The following MCOLN1 variants were observed in gnomAD, a reference collection of about 807,000 sequenced individuals.
MCOLN1 encodes the protein mucolipin TRP cation channel 1.
A neutral mutation model predicts 70.3 loss-of-function variants in MCOLN1; 50 were observed. The ratio of observed to expected loss-of-function variants is 0.71; its 90% CI spans 0.57 to 0.90. The LOEUF (loss-of-function observed/expected upper bound fraction) is 0.90. Ranked by LOEUF, MCOLN1 falls within the 40% of genes least tolerant of loss-of-function variation. The pLI is 0.00. For missense variants in MCOLN1, 598 were observed against 803.5 expected (o/e 0.74, Z 3.09); for synonymous variants, 366 against 341.0 (o/e 1.07, Z -0.81).
At position 7,527,302 on chromosome 19, in the gene MCOLN1, T is replaced by C. The variant is rs1283844974; in HGVS notation, c.572-218T>C. Reference sequence around the variant, plus strand: ...AAAAAAAAAAAAAAAAAAACAAGTATGCTTAGTGTGAGTGTGACTCTTGCC... The same window carrying C: ...AAAAAAAAAAAAAAAAAAACAAGTACGCTTAGTGTGAGTGTGACTCTTGCC... On this transcript the variant is annotated intron_variant, in intron 4 of 13. Coordinates refer to ENST00000264079, the MANE Select transcript of MCOLN1 (RefSeq NM_020533.3). 7.1e-6 allele frequency: 4 copies of C among 566,870 alleles called. No homozygotes were observed. In the East Asian group the frequency reaches 1.2e-4, roughly 17 times the overall value. The allele number at this position is 566,870 out of a possible 1,614,324, so 35.1% of individuals were successfully genotyped here.
chr19:7,526,020 C>T lies in MCOLN1; in HGVS notation c.238-419C>T, dbSNP rs769074082. ...GAGGTTGTAGTGAGCTGAGATCATA[C>T]CATGGCACTCCAACTTGGGCAACAG... On this transcript the variant is annotated intron_variant, in intron 2 of 13. Coordinates refer to ENST00000264079, the MANE Select transcript of MCOLN1 (RefSeq NM_020533.3). The surrounding 1 kb of genome is among the most constrained non-coding windows in gnomAD (Gnocchi z 4.6). The T allele has an allele frequency of 6.5e-6, 2 of 306,394 alleles. No individual in the cohort carries two copies. The highest frequency in any genetic ancestry group is 1.3e-5 in the Non-Finnish European group (2 of 156,954). 19.0% of individuals were successfully genotyped at this position (306,394 alleles called of 1,614,324 possible). A position where few individuals can be genotyped will look rare whatever the true frequency, so the allele number is the denominator to read the frequency against.
Position 7,527,890 on chromosome 19 carries a change from G to T in MCOLN1, c.707G>T (p.Arg236Leu). 1.2e-6 allele frequency: 2 copies of T among 1,614,096 alleles called. No homozygotes were observed. Among genetic ancestry groups the T allele is most frequent in the East Asian group, 2.2e-5 (1 of 44,872 alleles). Reference protein sequence around the residue: ...HKLVNVTIHFRLKTINLQSLI... With the variant: ...HKLVNVTIHFLLKTINLQSLI... ...CTGGTCAATGTCACCATCCACTTCC[G>T]GCTGAAGACCATTAACCTCCAGAGC... The change falls in exon 6 of 14, where the codon CGG (arginine) becomes CTG (leucine). Residue 236 changes from arginine to leucine, a missense_variant. Physicochemically the swap from Arg to Leu is moderately radical, Grantham distance 102. Transcript: ENST00000264079.
chr19:7,533,573 A>T lies in MCOLN1; in HGVS notation c.1626A>T (p.Ala542=). The change falls in exon 13 of 14, where the codon GCA becomes GCT. Residue 542 remains alanine (A), a synonymous_variant. Transcript: ENST00000264079. The stretch of plus-strand genomic sequence containing the variant: ...AGAGCGAGCTGCAGGCCTACATCGC[A>T]CAGTGCCAGGACAGCCCCACCTCCG... ...AEESELQAYI[A]QCQDSPTSGK... is the part of the protein sequence containing the mutation. 1 of 1,612,774 alleles carries T rather than the reference A, an allele frequency of 6.2e-7. No homozygotes were observed. The highest frequency in any genetic ancestry group is 2.2e-5 in the East Asian group (1 of 44,880).
At chr19:7,532,055 G>A (rs1309190846) in intron 12 of MCOLN1, among the ~76,000 whole-genome samples, 1 of 152,226 alleles carries the variant, frequency 6.6e-6, no homozygotes, top group Non-Finnish European at 1.5e-5. Flanking sequence ...CCTCAGTTTA[G>A]TAGGGTGGCT....
rs1176344656 is a variant in MCOLN1 at position 7,528,131 on chromosome 19, T to C, written c.778-27T>C. 2 of 1,612,206 alleles carry C rather than the reference T, an allele frequency of 1.2e-6. No homozygotes were observed. The highest frequency in any genetic ancestry group is 4.5e-5 in the East Asian group (2 of 44,858). ...CTTGGGGCTTGGGGCTGCCAAGGTTTACTCTGCCCCCAACTGGCCCCCACA... is the reference window on the plus strand; with the variant it reads ...CTTGGGGCTTGGGGCTGCCAAGGTTCACTCTGCCCCCAACTGGCCCCCACA... On this transcript the variant is annotated intron_variant, in intron 6 of 13. Transcript: ENST00000264079. The surrounding 1 kb of genome is among the most constrained non-coding windows in gnomAD (Gnocchi z 4.2).
rs1414728922 is a variant in MCOLN1, at chr19:7,524,700, C to G, written c.32-261C>G. On this transcript the variant is annotated intron_variant, in intron 1 of 13. Coordinates refer to ENST00000264079, the MANE Select transcript of MCOLN1 (RefSeq NM_020533.3). The surrounding 1 kb of genome is among the most constrained non-coding windows in gnomAD (Gnocchi z 4.1). Reference sequence around the variant, plus strand: ...TTTCGCAGATGAGGAAACTGAGGCTCAGAGAGCTGGTGAGCAGGAGGGGCA... The same window carrying G: ...TTTCGCAGATGAGGAAACTGAGGCTGAGAGAGCTGGTGAGCAGGAGGGGCA... Among the ~76,000 whole-genome samples, 1 of 152,218 alleles carries G rather than the reference C, an allele frequency of 6.6e-6. No homozygotes were observed. The highest frequency in any genetic ancestry group is 2.4e-5 in the African/African-American group (1 of 41,452).
intron 5 of MCOLN1, 55 bp downstream of exon 5, chr19:7,527,683 A>G: frequency 7.8e-7 from 1 of 1,277,510 alleles, no homozygotes; most frequent in Middle Eastern, 1.9e-4. Flanking sequence ...CACACTAGGC[A>G]CTCTCACCCC....
chr19:7,533,318 AG>A, intron 12 of MCOLN1: 2 of 642,998 alleles, frequency 3.1e-6, no homozygotes, highest in Non-Finnish European at 5.3e-6. Flanking sequence ...AGACTGGCAA[AG>A]ACACAGCTTG....
Position 7,525,490 on chromosome 19 carries a change from C to CAAAA in MCOLN1, c.237+332_237+335dup, listed in dbSNP as rs3029891. On this transcript the variant is annotated intron_variant, in intron 2 of 13. Coordinates refer to ENST00000264079, the MANE Select transcript of MCOLN1 (RefSeq NM_020533.3). The surrounding 1 kb of genome is among the most constrained non-coding windows in gnomAD (Gnocchi z 4.2). ...CCTGGGCAACAGAGCAAGACTGTCT[C>CAAAA]AAAAAAAAAAAGAAGCCGACTCTGA... is the stretch of plus-strand genomic sequence containing the variant. The CAAAA allele has an allele frequency of 2.3e-5, 6 of 260,198 alleles. No individual in the cohort carries two copies. The highest frequency in any genetic ancestry group is 7.1e-5 in the African/African-American group (3 of 42,310). The allele number at this position is 260,198 out of a possible 1,614,324, so 16.1% of individuals were successfully genotyped here.
chr19:7,531,737 G>A (rs1402154218), intron 12 of MCOLN1, among the ~76,000 whole-genome samples: 2 of 151,994 alleles, frequency 1.3e-5, no homozygotes, highest in East Asian at 1.9e-4. Context: ...GTGCAATCTC[G>A]GCTCACTGCA....
intron 10 of MCOLN1, 79 bp from the exon 11 acceptor site, chr19:7,529,511 T>TTTTGG: frequency 2.7e-6 from 1 of 370,414 alleles, no homozygotes. Context: ...GCCCCGCCCC[T>TTTTGG]CCCACCCCCA....
Position 7,533,831 on chromosome 19 carries a change from C to T in MCOLN1, c.*36C>T. ...CTGCCGTTGGACCGTAGGCCCTGGACTGCAGAGACCCCCGCCCCCGACCCC... is the reference window on the plus strand; with the variant it reads ...CTGCCGTTGGACCGTAGGCCCTGGATTGCAGAGACCCCCGCCCCCGACCCC... On this transcript the variant is annotated 3_prime_UTR_variant, in exon 14 of 14. Transcript: ENST00000264079. 6.2e-7 allele frequency: 1 copy of T among 1,612,774 alleles called. No individual in the cohort carries two copies. Among genetic ancestry groups the T allele is most frequent in the Non-Finnish European group, 8.5e-7 (1 of 1,178,870 alleles).
In MCOLN1 at chr19:7,526,490, A is replaced by C; in HGVS notation, c.289A>C (p.Asn97His). The change falls in exon 3 of 14, where the codon AAC (asparagine) becomes CAC (histidine). Residue 97 changes from asparagine to histidine, a missense_variant. Physicochemically the swap from Asn to His is moderately conservative, Grantham distance 68. Coordinates refer to ENST00000264079, the MANE Select transcript of MCOLN1 (RefSeq NM_020533.3). This position sits in a 1 kb window ranked among gnomAD's most constrained non-coding sequence, Gnocchi z 4.6. ...GCTGGCTGTGACATTCCGGGAAGAG[A>C]ACACCATCGCCTTCCGACACCTCTT... Reference protein sequence around the residue: ...NQLAVTFREENTIAFRHLFLL... With the variant: ...NQLAVTFREEHTIAFRHLFLL... The C allele has an allele frequency of 6.2e-7, 1 of 1,614,192 alleles. No individual in the cohort carries two copies.
At position 7,533,808 on chromosome 19, in the gene MCOLN1, G is replaced by A. The variant is rs1327347051; in HGVS notation, c.*13G>A. ...GCTGGTGAATTGATTCGACCTGACT[G>A]CCGTTGGACCGTAGGCCCTGGACTG... is the stretch of plus-strand genomic sequence containing the variant. On this transcript the variant is annotated 3_prime_UTR_variant, in exon 14 of 14. Transcript: ENST00000264079. 3 of 1,614,140 alleles carry A rather than the reference G, an allele frequency of 1.9e-6. No homozygotes were observed. Among genetic ancestry groups the A allele is most frequent in the Non-Finnish European group, 2.5e-6 (3 of 1,180,018 alleles).
chr19:7,527,444 G>A (rs1408307310), intron 4 of MCOLN1, 76 bp from the exon 5 acceptor site: 3 of 782,448 alleles, frequency 3.8e-6, no homozygotes, highest in African/African-American at 3.4e-5. Context: ...CAGGGAAGAA[G>A]GCCACTGGGG....
intron 12 of MCOLN1, among the ~76,000 whole-genome samples, chr19:7,530,800 G>A (rs2146026443): frequency 6.6e-6 from 1 of 152,344 alleles, no homozygotes; most frequent in South Asian, 2.1e-4. Flanking sequence ...GTGGAGTGCA[G>A]TGGTGCGATC....
Position 7,530,333 on chromosome 19 carries a change from T to C in MCOLN1, c.1407T>C (p.Asn469=), listed in dbSNP as rs1599256097. 6.2e-7 allele frequency: 1 copy of C among 1,613,794 alleles called. No individual in the cohort carries two copies. Among genetic ancestry groups the C allele is most frequent in the Non-Finnish European group, 8.5e-7 (1 of 1,180,024 alleles). Residue 469 remains asparagine, a synonymous_variant, in exon 12 of 14, where the codon AAT becomes AAC. Transcript: ENST00000264079. ...MVSECLFSLI[N]GDDMFVTFAA... ...CTGAGTGCCTGTTCTCGCTCATCAA[T>C]GGGGACGACATGTTTGTGACGTTCG...
At chr19:7,527,408 A>G (rs1050923770) in intron 4 of MCOLN1, 112 bp from the exon 5 acceptor site, 1 of 751,650 alleles carries the variant, frequency 1.3e-6, no homozygotes, top group African/African-American at 1.7e-5. Context: ...CCAGGCCTGT[A>G]GGAATGACCC....
intron 12 of MCOLN1, among the ~76,000 whole-genome samples, chr19:7,530,856 T>G (rs1369521002): frequency 1.3e-5 from 2 of 152,030 alleles, no homozygotes; most frequent in African/African-American, 2.4e-5. Context: ...CAATTCTGTC[T>G]CAGCCTCCTG....
Sources: allele counts gnomAD v4.1 joint callset (sites outside exome capture counted in the v4.1 genomes callset), GRCh38; gene constraint gnomAD v4.1.1; non-coding constraint Gnocchi (gnomAD v3.1); transcripts MANE v1.5; gene names NCBI Gene and HGNC (gene_info 2026-07-23, HGNC 2026-07-21).